The following FASTKD1 variants were observed in gnomAD, a reference collection of about 807,000 sequenced individuals.
The protein encoded by FASTKD1 is FAST kinase domains 1, also known as FAST kinase domain-containing protein 1, mitochondrial.
A neutral mutation model predicts 90.9 loss-of-function variants in FASTKD1; 94 were observed. The ratio of observed to expected loss-of-function variants is 1.03; its 90% confidence interval spans 0.88 to 1.23. FASTKD1 has a LOEUF of 1.23. Ranked by LOEUF, FASTKD1 falls within the 50% of genes most tolerant of loss-of-function variation. The pLI is 0.00. For synonymous variants in FASTKD1, 319 were observed against 345.8 expected, an observed-to-expected ratio of 0.92 and a Z score of 0.86; for missense variants, 945 against 993.5, an observed-to-expected ratio of 0.95 and a Z score of 0.66.
At chr2:169,534,394 G>C (rs1040187512) in intron 12 of FASTKD1, among the ~76,000 whole-genome samples, 1 of 150,688 alleles carries the variant, frequency 6.6e-6, no homozygotes, top group Non-Finnish European at 1.5e-5. Context: ...CAAACCTGTT[G>C]GTATCTCGAG....
intron 7 of FASTKD1, among the ~76,000 whole-genome samples, chr2:169,554,218 C>T (rs747914740): frequency 1.6e-5 from 2 of 121,790 alleles, no homozygotes; most frequent in Non-Finnish European, 3.2e-5. Flanking sequence ...TGATTGGCTG[C>T]CGTGAGCTAT....
chr2:169,562,039 A>ATTTT (rs1683699525), intron 4 of FASTKD1, among the ~76,000 whole-genome samples: 1 of 138,206 alleles, frequency 7.2e-6, no homozygotes, highest in African/African-American at 2.6e-5. Flanking sequence ...TTATTAATTT[A>ATTTT]TTGTAAATTA....
Position 169,548,509 on chromosome 2 carries a change from T to C in FASTKD1, c.1215-1805A>G, listed in dbSNP as rs181876705. Among the ~76,000 whole-genome samples the C allele has an allele frequency of 9.4e-5, 14 of 148,390 alleles. No homozygotes were observed. In the East Asian group the frequency reaches 1.6e-3, roughly 17 times the overall value. ...CATTTTGAGAGGCCAAGGCGGGGGA[T>C]AGCTTGAGCTCAGAAGTTCGAGACT... On this transcript the variant is annotated intron_variant, in intron 7 of 14. Transcript: ENST00000453153.
intron 12 of FASTKD1, 153 bp from the exon 13 acceptor site, chr2:169,531,643 A>G (rs1242345387): frequency 3.2e-6 from 2 of 615,514 alleles, no homozygotes; most frequent in African/African-American, 3.7e-5. Flanking sequence ...AGTTATTTTT[A>G]TAAGATCTGG....
At chr2:169,538,652 G>A (rs140644960) in intron 10 of FASTKD1, among the ~76,000 whole-genome samples, 3,999 of 141,452 alleles carry the variant, frequency 0.028, 79 homozygotes, top group East Asian at 0.1. Flanking sequence ...TCCAGCCTGG[G>A]CAACAAGAGC....
At position 169,562,016 on chromosome 2, in the gene FASTKD1, G is replaced by T. The variant is rs1203741678; in HGVS notation, c.572+1209C>A. Among the ~76,000 whole-genome samples, 5 of 100,780 alleles carry T rather than the reference G, an allele frequency of 5.0e-5. 2 individuals are homozygous for T. The highest frequency in any genetic ancestry group is 3.4e-4 in the Admixed American group (3 of 8,886). The allele number at this position is 100,780 out of a possible 152,430, so 66.1% of individuals were successfully genotyped here. On this transcript the variant is annotated intron_variant, in intron 4 of 14. Coordinates refer to ENST00000453153, the MANE Select transcript of FASTKD1 (RefSeq NM_024622.6). Reference sequence around the variant, plus strand: ...TAAATTAATTATTCATTAATTTATTGTAAATTAATTATTTATTAATTTATT... The same window carrying T: ...TAAATTAATTATTCATTAATTTATTTTAAATTAATTATTTATTAATTTATT...
chr2:169,569,223 A>C lies in FASTKD1; in HGVS notation c.407T>G (p.Val136Gly). 1 of 1,614,112 alleles carries C rather than the reference A, an allele frequency of 6.2e-7. No homozygotes were observed. Residue 136 changes from valine (V) to glycine (G), a missense_variant, in exon 3 of 15, where the codon GTT becomes GGT. By Grantham distance (109) the Val-to-Gly change is moderately radical. Coordinates refer to ENST00000453153, the MANE Select transcript of FASTKD1 (RefSeq NM_024622.6). ...QFAGEAHDPL[V>G]EALVTEAWRR... is the part of the protein sequence containing the mutation. ...CCATGCTTCTGTAACTAGTGCTTCA[A>C]CTAGCGGGTCATGGGCCTCACCAGC...
Position 169,560,670 on chromosome 2 carries a change from C to G in FASTKD1, c.688G>C (p.Val230Leu). 1.9e-6 allele frequency: 3 copies of G among 1,612,836 alleles called. No homozygotes were observed. The highest frequency in any genetic ancestry group is 1.1e-5 in the South Asian group (1 of 90,678). ...AGAAACTTTGCTATGCTTTTTGCAA[C>G]GTTGACCTCAGAAGAATCTATGGTG... is the stretch of plus-strand genomic sequence containing the variant. ...FDTIDSSEVN[V>L]AKSIAKFLRN... is the part of the protein sequence containing the mutation. Residue 230 changes from valine to leucine, a missense_variant, in exon 5 of 15, where the codon GTT becomes CTT. By Grantham distance (32) the Val-to-Leu change is conservative (BLOSUM62 1). Coordinates refer to ENST00000453153, the MANE Select transcript of FASTKD1 (RefSeq NM_024622.6).
intron 2 of FASTKD1, among the ~76,000 whole-genome samples, 186 bp from the exon 3 acceptor site, chr2:169,569,438 T>C (rs1247109043): frequency 6.6e-6 from 1 of 152,218 alleles, no homozygotes; most frequent in Non-Finnish European, 1.5e-5. Flanking sequence ...ACATCTATAC[T>C]TTATCCCATG....
intron 1 of FASTKD1, chr2:169,572,852 T>C (rs1489196860): frequency 6.6e-6 from 1 of 152,170 alleles, no homozygotes. Flanking sequence ...TTTAAAAATA[T>C]GCTATAAATG....
chr2:169,570,624 A>T (rs1469383798), intron 2 of FASTKD1, among the ~76,000 whole-genome samples: 1 of 152,086 alleles, frequency 6.6e-6, no homozygotes, highest in Non-Finnish European at 1.5e-5. Flanking sequence ...GAGATTGCAA[A>T]CAAGTTATCA....
chr2:169,531,845 AAG>A (rs1230807890), intron 12 of FASTKD1, among the ~76,000 whole-genome samples: 1 of 152,220 alleles, frequency 6.6e-6, no homozygotes, highest in African/African-American at 2.4e-5. Context: ...AATAAAGAAA[AAG>A]ATACAAGCAT....
chr2:169,565,004 G>C (rs1276987113), intron 3 of FASTKD1, among the ~76,000 whole-genome samples: 1 of 147,182 alleles, frequency 6.8e-6, no homozygotes. Context: ...CCCCAGGCTG[G>C]AGTGCAATGG....
rs774901730 is a variant in FASTKD1 at position 169,537,978 on chromosome 2, C to T, written c.2074+35G>A. 3.2e-6 allele frequency: 5 copies of T among 1,564,640 alleles called. No homozygotes were observed. In the East Asian group the frequency reaches 9.1e-5, roughly 28 times the overall value. The stretch of plus-strand genomic sequence containing the variant: ...ACTACCTAATAATTTACTTTAGAAT[C>T]AAACTTTGCTATCTGACTAAAAGAA... On this transcript the variant is annotated intron_variant, in intron 11 of 14. Transcript: ENST00000453153.
At chr2:169,566,266 T>C (rs1025081736) in intron 3 of FASTKD1, among the ~76,000 whole-genome samples, 3 of 152,154 alleles carry the variant, frequency 2.0e-5, no homozygotes, top group Admixed American at 2.0e-4. Context: ...CTGAGGTATT[T>C]AAAGATGAAA....
chr2:169,547,883 T>A (rs1432037932), intron 7 of FASTKD1, among the ~76,000 whole-genome samples: 2 of 4,362 alleles, frequency 4.6e-4, no homozygotes, highest in Non-Finnish European at 1.1e-3. Context: ...AGACTCCATC[T>A]CAAAAAAAAA....
At position 169,532,758 on chromosome 2, in the gene FASTKD1, G is replaced by A. The variant is rs1684547544; in HGVS notation, c.2189-1268C>T. 2.3e-5 allele frequency among the ~76,000 whole-genome samples: 3 copies of A among 131,048 alleles called. No individual in the cohort carries two copies. The South Asian group carries it at 7.8e-4, about 34-fold the overall frequency. 86.0% of individuals were successfully genotyped at this position (131,048 alleles called of 152,430 possible). On this transcript the variant is annotated intron_variant, in intron 12 of 14. Transcript: ENST00000453153. ...AAACTGCAAACCAACCAAGTGGAAT[G>A]TTAAGATCCCAATTTGGACAAACTA...
At position 169,562,058 on chromosome 2, in the gene FASTKD1, T is replaced by TAATTTATTGTAAATTAATTATTTAG. The variant is rs1559157553; in HGVS notation, c.572+1166_572+1167insCTAAATAATTAATTTACAATAAATT. ...TAATTTATTGTAAATTAATTATTTA[T>TAATTTATTGTAAATTAATTATTTAG]TAATTTATTGTAAAATAATTATTTA... On this transcript the variant is annotated intron_variant, in intron 4 of 14. Transcript: ENST00000453153. Among the ~76,000 whole-genome samples the TAATTTATTGTAAATTAATTATTTAG allele has an allele frequency of 7.2e-4, 91 of 125,674 alleles. 22 individuals carry two copies. The highest frequency in any genetic ancestry group is 8.0e-4 in the Admixed American group (9 of 11,308). 82.4% of individuals were successfully genotyped at this position (125,674 alleles called of 152,430 possible). A position where few individuals can be genotyped will look rare whatever the true frequency, so the allele number is the denominator to read the frequency against.
chr2:169,552,481 T>C (rs1685529899), intron 7 of FASTKD1, among the ~76,000 whole-genome samples: 1 of 152,132 alleles, frequency 6.6e-6, no homozygotes, highest in Non-Finnish European at 1.5e-5. Context: ...TAAATGCCCA[T>C]TGACTAATAA....
Sources: gnomAD v4.1 joint callset for allele counts (sites outside exome capture counted in the v4.1 genomes callset) on GRCh38, gnomAD v4.1.1 for gene constraint, MANE v1.5 for transcripts, NCBI Gene and HGNC (gene_info 2026-07-23, HGNC 2026-07-21) for gene names.